Variants in INPP4B observed in about 807,000 individuals in gnomAD.
INPP4B encodes inositol polyphosphate 4-phosphatase type II.
INPP4B carries 55 observed loss-of-function variants against 122.5 expected under a neutral mutation model. The ratio of observed to expected loss-of-function variants is 0.45; its 90% CI spans 0.36 to 0.56. The LOEUF (loss-of-function observed/expected upper bound fraction) is 0.56, where lower values mean the gene tolerates loss of function less well. Among genes scored for constraint, INPP4B ranks in the 20% least tolerant of loss-of-function variants. The pLI is 0.00. For synonymous variants in INPP4B, 403 were observed against 388.7 expected (o/e 1.04, Z -0.43); for missense variants, 1,000 against 1,097.7 (o/e 0.91, Z 1.26).
At position 142,758,212 on chromosome 4, in the gene INPP4B, A is replaced by G. The variant is rs1770779671; in HGVS notation, c.-253-32311T>C. 5.9e-5 allele frequency among the ~76,000 whole-genome samples: 9 copies of G among 152,298 alleles called. No individual in the cohort carries two copies. The South Asian group carries it at 1.9e-3, about 32-fold the overall frequency. ...CATAGGATGAATAGATGAAAGACCA[A>G]GGATATTTGGTCTAGAAGTGAAAGG... On this transcript the variant is annotated intron_variant, in intron 1 of 25. Transcript: ENST00000262992.
At chr4:142,229,844 G>C (rs183059570) in intron 12 of INPP4B, among the ~76,000 whole-genome samples, 1 of 152,092 alleles carries the variant, frequency 6.6e-6, no homozygotes, top group Admixed American at 6.6e-5. Flanking sequence ...ATTTTTGGGG[G>C]GATAGGGAAG....
At chr4:142,125,891 A>G (rs1231844359) in intron 18 of INPP4B, among the ~76,000 whole-genome samples, 1 of 152,172 alleles carries the variant, frequency 6.6e-6, no homozygotes, top group East Asian at 1.9e-4. Flanking sequence ...TTGAATGAGA[A>G]AAGTTACAAT....
chr4:142,457,711 T>C (rs1433683419), intron 3 of INPP4B, among the ~76,000 whole-genome samples: 1 of 152,184 alleles, frequency 6.6e-6, no homozygotes, highest in Non-Finnish European at 1.5e-5. Flanking sequence ...CAAGTGGGAA[T>C]GCAAAATAGT....
chr4:142,734,525 T>C (rs1580798729), intron 1 of INPP4B, among the ~76,000 whole-genome samples: 1 of 152,210 alleles, frequency 6.6e-6, no homozygotes, highest in Non-Finnish European at 1.5e-5. Context: ...TTGCAAAAAA[T>C]GTATTGAGTT....
At chr4:142,789,561 C>T (rs1185316290) in intron 1 of INPP4B, among the ~76,000 whole-genome samples, 3 of 151,904 alleles carry the variant, frequency 2.0e-5, no homozygotes, top group African/African-American at 7.2e-5. Flanking sequence ...CAGAAAACTA[C>T]AAAATACTGC....
chr4:142,400,348 A>G (rs1304180464), intron 7 of INPP4B, among the ~76,000 whole-genome samples: 1 of 152,158 alleles, frequency 6.6e-6, no homozygotes, highest in African/African-American at 2.4e-5. Context: ...CTTAAAACAC[A>G]TGCACACAAT....
intron 2 of INPP4B, among the ~76,000 whole-genome samples, chr4:142,557,222 T>C (rs1012611714): frequency 6.6e-6 from 1 of 152,038 alleles, no homozygotes; most frequent in Non-Finnish European, 1.5e-5. Context: ...GGGAAACAGT[T>C]GTAGAGAGGA....
intron 17 of INPP4B, among the ~76,000 whole-genome samples, chr4:142,157,400 GC>G (rs941725347): frequency 6.6e-6 from 1 of 152,076 alleles, no homozygotes; most frequent in African/African-American, 2.4e-5. Context: ...GTTCTTGTTT[GC>G]AAAAAGAGTA....
At chr4:142,424,114 C>T (rs995517628) in intron 5 of INPP4B, among the ~76,000 whole-genome samples, 1 of 151,972 alleles carries the variant, frequency 6.6e-6, no homozygotes, top group Non-Finnish European at 1.5e-5. Context: ...TTATTCTAAT[C>T]CTGTTTCCTT....
At chr4:142,154,659 T>G (rs1023424729) in intron 17 of INPP4B, among the ~76,000 whole-genome samples, 1 of 152,116 alleles carries the variant, frequency 6.6e-6, no homozygotes, top group Non-Finnish European at 1.5e-5. Context: ...TCAAAAGGAC[T>G]CATGAATTAT....
rs745780120 is a variant in INPP4B at position 142,028,745 on chromosome 4, T to C, written c.*37A>G. ...CAAGGTGAAGATTATCCAACTGAAATGTATTTGTGTTCCTGTTTATTAACA... is the reference window on the plus strand; with the variant it reads ...CAAGGTGAAGATTATCCAACTGAAACGTATTTGTGTTCCTGTTTATTAACA... On this transcript the variant is annotated 3_prime_UTR_variant, in exon 26 of 26. Coordinates refer to ENST00000262992, the MANE Select transcript of INPP4B (RefSeq NM_001101669.3). 3.8e-6 allele frequency: 6 copies of C among 1,580,304 alleles called. No homozygotes were observed. Among genetic ancestry groups the C allele is most frequent in the Middle Eastern group, 1.7e-4 (1 of 5,904 alleles).
intron 7 of INPP4B, among the ~76,000 whole-genome samples, chr4:142,367,982 C>T (rs1438674745): frequency 6.6e-6 from 1 of 152,084 alleles, no homozygotes. Context: ...CAGTGTATTT[C>T]CTGTCCCTCC....
At chr4:142,278,188 G>A (rs565583335) in intron 9 of INPP4B, among the ~76,000 whole-genome samples, 1 of 152,050 alleles carries the variant, frequency 6.6e-6, no homozygotes, top group East Asian at 1.9e-4. Context: ...GGAACACAAG[G>A]AGCAGCCATT....
intron 11 of INPP4B, among the ~76,000 whole-genome samples, chr4:142,248,509 T>C (rs1730186186): frequency 6.6e-6 from 1 of 151,984 alleles, no homozygotes; most frequent in Non-Finnish European, 1.5e-5. Context: ...AGCTAATTTT[T>C]TGTATTTTTA....
intron 2 of INPP4B, among the ~76,000 whole-genome samples, chr4:142,527,981 G>C (rs887970508): frequency 3.3e-5 from 5 of 151,972 alleles, no homozygotes; most frequent in Non-Finnish European, 7.4e-5. Context: ...AGATGTACTA[G>C]TAGACCTTGC....
chr4:142,592,656 G>T (rs766630354), intron 2 of INPP4B, among the ~76,000 whole-genome samples: 5 of 152,150 alleles, frequency 3.3e-5, no homozygotes, highest in Non-Finnish European at 4.4e-5. Flanking sequence ...TTGTATGAGA[G>T]ATTTGAACTT....
At chr4:142,281,837 T>A (rs1751343829) in intron 9 of INPP4B, among the ~76,000 whole-genome samples, 1 of 152,076 alleles carries the variant, frequency 6.6e-6, no homozygotes, top group Non-Finnish European at 1.5e-5. Context: ...GATTTTTAAA[T>A]TTTTTAAATT....
intron 25 of INPP4B, among the ~76,000 whole-genome samples, chr4:142,048,180 T>C (rs763561482): frequency 2.0e-5 from 3 of 152,062 alleles, no homozygotes; most frequent in South Asian, 2.1e-4. Context: ...AGTAGAGATA[T>C]AGAATTTGAA....
Position 142,164,757 on chromosome 4 carries a change from T to G in INPP4B, c.1360-4196A>C, listed in dbSNP as rs557021238. Reference sequence around the variant, plus strand: ...ATTTTATCTTACTTTTATTTTTAATTTTTATTTTTATTGTAGAAACAGGGT... The same window carrying G: ...ATTTTATCTTACTTTTATTTTTAATGTTTATTTTTATTGTAGAAACAGGGT... On this transcript the variant is annotated intron_variant, in intron 16 of 25. Transcript: ENST00000262992. Among the ~76,000 whole-genome samples, 12 of 151,812 alleles carry G rather than the reference T, an allele frequency of 7.9e-5. No homozygotes were observed. In the South Asian group the frequency reaches 2.5e-3, roughly 32 times the overall value.
Sources: allele counts gnomAD v4.1 joint callset (sites outside exome capture counted in the v4.1 genomes callset), GRCh38; gene constraint gnomAD v4.1.1; transcripts MANE v1.5; gene names NCBI Gene and HGNC (gene_info 2026-07-23, HGNC 2026-07-21).